ACTR1A: variants seen among roughly 807,000 people sequenced by gnomAD.
The protein encoded by ACTR1A is alpha-centractin.
In ACTR1A, 10 loss-of-function variants were observed where a neutral mutation model predicts 50.7. The ratio of observed to expected loss-of-function variants is 0.20; its 90% CI spans 0.12 to 0.33. The LOEUF (loss-of-function observed/expected upper bound fraction) is 0.33. Among genes scored for constraint, ACTR1A ranks in the 10% least tolerant of loss-of-function variants. ACTR1A has a pLI of 1.00. For synonymous variants in ACTR1A, 177 were observed against 184.2 expected, an observed-to-expected ratio of 0.96 and a Z score of 0.32; for missense variants, 253 against 491.7, an observed-to-expected ratio of 0.51 and a Z score of 4.59.
At chr10:102,484,049 C>A (rs2062155263) in intron 6 of ACTR1A, 111 bp downstream of exon 6, 3 of 1,015,500 alleles carry the variant, frequency 3.0e-6, no homozygotes, top group Non-Finnish European at 3.0e-6. Context: ...AAGGCCTCAC[C>A]AGGGACCCCC....
chr10:102,483,411 C>G (rs2062152944), intron 6 of ACTR1A: 1 of 331,582 alleles, frequency 3.0e-6, no homozygotes, highest in Non-Finnish European at 5.6e-6. Flanking sequence ...TCTCCTTCTA[C>G]CACTCATATG....
chr10:102,497,596 T>G (rs544729191), intron 1 of ACTR1A, among the ~76,000 whole-genome samples: 45 of 151,490 alleles, frequency 3.0e-4, no homozygotes, highest in African/African-American at 1.0e-3. Flanking sequence ...CTAAAAAAAA[T>G]TTAAAAACAA....
Position 102,479,715 on chromosome 10 carries a change from C to T in ACTR1A, c.*1148G>A, listed in dbSNP as rs1192686729. On this transcript the variant is annotated 3_prime_UTR_variant, in exon 11 of 11. Transcript: ENST00000369905. The surrounding 1 kb of genome is among the most constrained non-coding windows in gnomAD (Gnocchi z 4.0). Reference sequence around the variant, plus strand: ...CTAGTCCCCTGGTCAGCTACAGTGGCAAAAGGCAACTTGGTAAATTGCAGC... The same window carrying T: ...CTAGTCCCCTGGTCAGCTACAGTGGTAAAAGGCAACTTGGTAAATTGCAGC... 5.4e-5 allele frequency: 69 copies of T among 1,276,646 alleles called. 1 individual carries two copies. In the Admixed American group the frequency reaches 1.5e-3, roughly 28 times the overall value. 79.1% of individuals were successfully genotyped at this position (1,276,646 alleles called of 1,614,324 possible).
At chr10:102,485,222 C>T (rs1003775218) in intron 5 of ACTR1A, among the ~76,000 whole-genome samples, 3 of 152,140 alleles carry the variant, frequency 2.0e-5, no homozygotes, top group Admixed American at 6.5e-5. Flanking sequence ...TGGTGGCATT[C>T]GGATCATGGT....
chr10:102,482,167 A>C lies in ACTR1A; in HGVS notation c.759T>G (p.Pro253=). ...LPDGSTIEIG[P]SRFRAPELLF... ...GCAACTCAGGGGCCCGGAATCGGGA[A>C]GGACCAATCTGCAGGTAGGAGGGCC... Residue 253 remains proline (P), a synonymous_variant, in exon 8 of 11, where the codon CCT becomes CCG. Coordinates refer to ENST00000369905, the MANE Select transcript of ACTR1A (RefSeq NM_005736.4). The surrounding 1 kb of genome is among the most constrained non-coding windows in gnomAD (Gnocchi z 5.6). The C allele has an allele frequency of 6.2e-7, 1 of 1,612,648 alleles. No individual in the cohort carries two copies. Among genetic ancestry groups the C allele is most frequent in the East Asian group, 2.2e-5 (1 of 44,882 alleles).
At position 102,479,718 on chromosome 10, in the gene ACTR1A, A is replaced by G. The variant is rs80105865; in HGVS notation, c.*1145T>C. 17 of 1,278,064 alleles carry G rather than the reference A, an allele frequency of 1.3e-5. No individual in the cohort carries two copies. Among genetic ancestry groups the G allele is most frequent in the Middle Eastern group, 2.1e-4 (1 of 4,662 alleles). 79.2% of individuals were successfully genotyped at this position (1,278,064 alleles called of 1,614,324 possible). A position where few individuals can be genotyped will look rare whatever the true frequency, so the allele number is the denominator to read the frequency against. Reference sequence around the variant, plus strand: ...GTCCCCTGGTCAGCTACAGTGGCAAAAGGCAACTTGGTAAATTGCAGCTTT... The same window carrying G: ...GTCCCCTGGTCAGCTACAGTGGCAAGAGGCAACTTGGTAAATTGCAGCTTT... On this transcript the variant is annotated 3_prime_UTR_variant, in exon 11 of 11. Coordinates refer to ENST00000369905, the MANE Select transcript of ACTR1A (RefSeq NM_005736.4). The surrounding 1 kb of genome is among the most constrained non-coding windows in gnomAD (Gnocchi z 4.0).
chr10:102,483,704 T>C, intron 6 of ACTR1A: 1 of 171,632 alleles, frequency 5.8e-6, no homozygotes, highest in South Asian at 1.3e-4. Context: ...TGGGGTGTGG[T>C]GGCAGGCACC....
At position 102,488,338 on chromosome 10, in the gene ACTR1A, A is replaced by T; in HGVS notation, c.190-63T>A. On this transcript the variant is annotated intron_variant, in intron 3 of 10. Transcript: ENST00000369905. This position sits in a 1 kb window ranked among gnomAD's most constrained non-coding sequence, Gnocchi z 4.4. ...CTCCACCCAGGACCCTGTTCTCCCA[A>T]GACTAAGCAGTGCAAGCTGAATCCC... The T allele has an allele frequency of 3.1e-6, 5 of 1,588,672 alleles. No homozygotes were observed. Among genetic ancestry groups the T allele is most frequent in the Non-Finnish European group, 3.5e-6 (4 of 1,159,244 alleles).
At chr10:102,484,102 C>A in intron 6 of ACTR1A, 58 bp downstream of exon 6, 1 of 1,549,318 alleles carries the variant, frequency 6.5e-7, no homozygotes, top group Non-Finnish European at 8.9e-7. Context: ...TCACCAAGGT[C>A]CTGGGTGCTA....
intron 4 of ACTR1A, among the ~76,000 whole-genome samples, chr10:102,486,025 C>T (rs1283026656): frequency 1.3e-5 from 2 of 152,188 alleles, no homozygotes; most frequent in African/African-American, 4.8e-5. Flanking sequence ...GTATCTCCAA[C>T]TGTCAAGAAG....
intron 2 of ACTR1A, among the ~76,000 whole-genome samples, chr10:102,490,232 C>CAAA (rs145472595): frequency 2.9e-3 from 130 of 44,942 alleles, no homozygotes; most frequent in East Asian, 3.2e-3. Flanking sequence ...GACTCCGTCT[C>CAAA]AAAAAAAAAA....
At chr10:102,484,065 G>A in intron 6 of ACTR1A, 95 bp downstream of exon 6, 2 of 1,211,486 alleles carry the variant, frequency 1.7e-6, no homozygotes, top group Non-Finnish European at 2.4e-6. Flanking sequence ...CCCCCAGGCA[G>A]GTGCTTTGCC....
At chr10:102,493,001 C>CAAAAAAAAAAAAAAAAAACAAAA (rs2062201745) in intron 1 of ACTR1A, among the ~76,000 whole-genome samples, 1 of 48,930 alleles carries the variant, frequency 2.0e-5, no homozygotes, top group Non-Finnish European at 3.4e-5. Flanking sequence ...GACTCCACCT[C>CAAAAAAAAAAAAAAAAAACAAAA]AAAAAAAAAA....
chr10:102,488,062 GA>G lies in ACTR1A; in HGVS notation c.315+87del. 47 of 1,492,602 alleles carry G rather than the reference GA, an allele frequency of 3.1e-5. No homozygotes were observed. Among genetic ancestry groups the G allele is most frequent in the Non-Finnish European group, 4.0e-5 (44 of 1,087,788 alleles). The allele number at this position is 1,492,602 out of a possible 1,614,324, so 92.5% of individuals were successfully genotyped here. On this transcript the variant is annotated intron_variant, in intron 4 of 10. Transcript: ENST00000369905. This position sits in a 1 kb window ranked among gnomAD's most constrained non-coding sequence, Gnocchi z 4.4. ...AAATGGCTCCAGCACTCTTGGCAGT[GA>G]TCATCGTCCTCCTCATCATCTCTAG...
intron 4 of ACTR1A, among the ~76,000 whole-genome samples, chr10:102,486,065 G>A (rs2062166758): frequency 6.6e-6 from 1 of 152,110 alleles, no homozygotes; most frequent in Non-Finnish European, 1.5e-5. Context: ...TCCTGCCGCA[G>A]ACCAGTTCTA....
Position 102,482,111 on chromosome 10 carries a change from C to T in ACTR1A, c.815G>A (p.Ser272Asn). The T allele has an allele frequency of 6.2e-7, 1 of 1,614,182 alleles. No individual in the cohort carries two copies. Among genetic ancestry groups the T allele is most frequent in the Non-Finnish European group, 8.5e-7 (1 of 1,180,044 alleles). Residue 272 changes from serine (S) to asparagine (N), a missense_variant, in exon 8 of 11, where the codon AGT becomes AAT. This residue lies in a region of ACTR1A where 116 missense variants were observed against 155.9 expected (regional missense o/e 0.74). Coordinates refer to ENST00000369905, the MANE Select transcript of ACTR1A (RefSeq NM_005736.4). The surrounding 1 kb of genome is among the most constrained non-coding windows in gnomAD (Gnocchi z 5.6). ...LFRPDLIGEE[S>N]EGIHEVLVFA... ...CACCAGGACCTCGTGGATGCCTTCA[C>T]TCTCCTCTCCAATCAAATCTGGCCT...
chr10:102,491,094 G>A (rs1309500270), intron 1 of ACTR1A, among the ~76,000 whole-genome samples: 1 of 152,216 alleles, frequency 6.6e-6, no homozygotes, highest in African/African-American at 2.4e-5. Context: ...ATAGGATGGT[G>A]AGGAGGATTC....
chr10:102,500,407 A>C (rs1256854096), intron 1 of ACTR1A, among the ~76,000 whole-genome samples: 1 of 152,040 alleles, frequency 6.6e-6, no homozygotes, highest in East Asian at 1.9e-4. Context: ...ATCTCTACTA[A>C]AAATACAAAA....
At chr10:102,500,886 A>T (rs1489759820) in intron 1 of ACTR1A, among the ~76,000 whole-genome samples, 1 of 152,008 alleles carries the variant, frequency 6.6e-6, no homozygotes, top group Admixed American at 6.6e-5. Flanking sequence ...CAGCCTGGAC[A>T]ACATGGTGAA....
Sources: allele counts gnomAD v4.1 joint callset (sites outside exome capture counted in the v4.1 genomes callset), GRCh38; gene constraint gnomAD v4.1.1; regional missense constraint gnomAD v4.1.1; non-coding constraint Gnocchi (gnomAD v3.1); transcripts MANE v1.5; gene names NCBI Gene and HGNC (gene_info 2026-07-23, HGNC 2026-07-21).